The following BRCA1 variants were observed in gnomAD, a reference collection of about 807,000 sequenced individuals.
BRCA1 encodes breast cancer type 1 susceptibility protein.
A neutral mutation model predicts 173.7 loss-of-function variants in BRCA1; 140 were observed. That is an observed-to-expected ratio of 0.81 (90% CI 0.70 to 0.93). BRCA1 has a LOEUF of 0.93. Among genes scored for constraint, BRCA1 ranks in the 40% least tolerant of loss-of-function variants. BRCA1 has a pLI of 0.00. For synonymous variants in BRCA1, 662 were observed against 756.0 expected, an observed-to-expected ratio of 0.88 and a Z score of 2.04; for missense variants, 1,983 against 2,172.5, an observed-to-expected ratio of 0.91 and a Z score of 1.73.
chr17:43,101,105 G>C (rs1278234602), intron 6 of BRCA1, among the ~76,000 whole-genome samples: 1 of 151,498 alleles, frequency 6.6e-6, no homozygotes, highest in Non-Finnish European at 1.5e-5. Context: ...ATAGGAACGA[G>C]TATTTAAAAG....
chr17:43,060,119 G>A (rs974166505), intron 18 of BRCA1, among the ~76,000 whole-genome samples: 1 of 152,112 alleles, frequency 6.6e-6, no homozygotes, highest in African/African-American at 2.4e-5. Flanking sequence ...TGCCCAGGCT[G>A]GAGTGCAATG....
At chr17:43,113,096 C>CCCGG (rs1242804311) in intron 3 of BRCA1, among the ~76,000 whole-genome samples, 1 of 152,214 alleles carries the variant, frequency 6.6e-6, no homozygotes, top group Non-Finnish European at 1.5e-5. Context: ...AGCCACCGTG[C>CCCGG]CCGGCCTCAA....
intron 19 of BRCA1, among the ~76,000 whole-genome samples, chr17:43,051,477 C>A (rs1294355295): frequency 1.3e-5 from 2 of 152,076 alleles, no homozygotes; most frequent in African/African-American, 4.8e-5. Context: ...GAAAAAAGGT[C>A]CTTCTGTATG....
chr17:43,149,948 C>A (rs2056150569), intron 1 of BRCA1, among the ~76,000 whole-genome samples: 1 of 151,994 alleles, frequency 6.6e-6, no homozygotes, highest in Admixed American at 6.6e-5. Context: ...ACCACCGTGC[C>A]TAGCTAATTT....
intron 6 of BRCA1, among the ~76,000 whole-genome samples, chr17:43,100,633 T>TACAC (rs1491102232): frequency 5.7e-5 from 3 of 52,296 alleles, no homozygotes; most frequent in Non-Finnish European, 8.7e-5. Flanking sequence ...ATATATATGT[T>TACAC]ATATATATAT....
At chr17:43,096,393 AAGAG>A (rs2054138349) in intron 8 of BRCA1, among the ~76,000 whole-genome samples, 1 of 149,796 alleles carries the variant, frequency 6.7e-6, no homozygotes, top group Non-Finnish European at 1.5e-5. Flanking sequence ...AAAAAAAAAA[AAGAG>A]AGAAAGAAAG....
rs537778783 is a variant in BRCA1 at position 43,051,871 on chromosome 17, G to A, written c.5278-754C>T. 8.9e-4 allele frequency among the ~76,000 whole-genome samples: 136 copies of A among 152,202 alleles called. No individual in the cohort carries two copies. The Middle Eastern group carries it at 0.02, about 23-fold the overall frequency. ...AGGCTGGTCTCGAACTCCTGACCTC[G>A]TGATCTGCCTGTCTTGGCCTTCCAA... On this transcript the variant is annotated intron_variant, in intron 19 of 22. Transcript: ENST00000357654.
chr17:43,077,740 T>C (rs2154084558), intron 12 of BRCA1, among the ~76,000 whole-genome samples: 1 of 110,748 alleles, frequency 9.0e-6, no homozygotes, highest in East Asian at 2.5e-4. Context: ...TTTTTATTTA[T>C]TTATTTTTTT....
At chr17:43,127,849 C>T (rs1209214410), upstream of BRCA1, among the ~76,000 whole-genome samples, 1 of 148,184 alleles carries the variant, frequency 6.7e-6, no homozygotes, top group African/African-American at 2.6e-5. Flanking sequence ...ACAGTGAAAC[C>T]CCGACTCTAC....
At chr17:43,157,268 T>C (rs757198060) in intron 1 of BRCA1, among the ~76,000 whole-genome samples, 1 of 152,210 alleles carries the variant, frequency 6.6e-6, no homozygotes, top group Non-Finnish European at 1.5e-5. Flanking sequence ...CAAATAACAC[T>C]GTTTCCAGTC....
At position 43,082,508 on chromosome 17, in the gene BRCA1, A is replaced by G. The variant is rs397509157; in HGVS notation, c.4253T>C (p.Leu1418Ser). ...QQEMAELEAV[L>S]EQHGSQPSNS... Reference sequence around the variant, plus strand: ...AGAAGGCTGGCTCCCATGCTGTTCTAACACAGCTTCTAGTTCAGCCATTTC... The same window carrying G: ...AGAAGGCTGGCTCCCATGCTGTTCTGACACAGCTTCTAGTTCAGCCATTTC... Residue 1418 changes from leucine (L) to serine (S), a missense_variant, in exon 12 of 23, where the codon TTA becomes TCA. Transcript: ENST00000357654. 1 of 1,614,190 alleles carries G rather than the reference A, an allele frequency of 6.2e-7. No individual in the cohort carries two copies. Among genetic ancestry groups the G allele is most frequent in the Non-Finnish European group, 8.5e-7 (1 of 1,180,028 alleles).
intron 20 of BRCA1, among the ~76,000 whole-genome samples, chr17:43,050,642 G>A (rs1258806852): frequency 1.3e-5 from 2 of 150,678 alleles, no homozygotes; most frequent in South Asian, 2.1e-4. Context: ...AATGTTCACC[G>A]AGAATCTTCC....
At position 43,124,113 on chromosome 17, in the gene BRCA1, G is replaced by A. The variant is rs1597923857; in HGVS notation, c.-17C>T. 1 of 1,580,228 alleles carries A rather than the reference G, an allele frequency of 6.3e-7. No individual in the cohort carries two copies. Among genetic ancestry groups the A allele is most frequent in the Non-Finnish European group, 8.7e-7 (1 of 1,149,520 alleles). On this transcript the variant is annotated splice_region_variant and 5_prime_UTR_variant, in exon 2 of 23. Coordinates refer to ENST00000357654, the MANE Select transcript of BRCA1 (RefSeq NM_007294.4). The stretch of plus-strand genomic sequence containing the variant: ...TAAATCCATTTCTTTCTGTTCCAAT[G>A]AACTTTAACACATTAGAAAAACATA...
chr17:43,094,745 C>T lies in BRCA1; in HGVS notation c.786G>A (p.Gln262=), dbSNP rs397509317. 3 of 1,611,064 alleles carry T rather than the reference C, an allele frequency of 1.9e-6. No homozygotes were observed. Among genetic ancestry groups the T allele is most frequent in the Non-Finnish European group, 2.5e-6 (3 of 1,178,228 alleles). ...RAAERHPEKY[Q]GSSVSNLHVE... ...CATGCAAGTTTGAAACAGAACTACC[C>T]TGATACTTTTCTGGATGCCTCTCAG... Residue 262 remains glutamine, a synonymous_variant, in exon 10 of 23, where the codon CAG becomes CAA. Coordinates refer to ENST00000357654, the MANE Select transcript of BRCA1 (RefSeq NM_007294.4).
intron 1 of BRCA1, chr17:43,144,250 C>T: frequency 3.0e-6 from 1 of 332,314 alleles, no homozygotes; most frequent in Non-Finnish European, 6.1e-6. Flanking sequence ...GAATTTTCCT[C>T]CATCTTGTAA....
At chr17:43,131,466 C>T (rs146425235) in intron 1 of BRCA1, among the ~76,000 whole-genome samples, 191 of 152,226 alleles carry the variant, frequency 1.3e-3, no homozygotes, top group Non-Finnish European at 2.3e-3. Flanking sequence ...TCTTGCTCCC[C>T]AGAAGGGTGG....
intron 3 of BRCA1, 68 bp from the exon 4 acceptor site, chr17:43,106,601 C>T (rs1006091410): frequency 5.9e-6 from 7 of 1,189,428 alleles, no homozygotes; most frequent in Middle Eastern, 2.6e-4. Context: ...ACTCAAAAGG[C>T]AAATAGCCAT....
At chr17:43,079,550 C>A in intron 12 of BRCA1, 1 of 949,136 alleles carries the variant, frequency 1.1e-6, no homozygotes, top group Non-Finnish European at 1.7e-6. Context: ...GGGCAAGATT[C>A]TTGCCAAGAG....
Position 43,093,314 on chromosome 17 carries a change from T to C in BRCA1, c.2217A>G (p.Lys739=), listed in dbSNP as rs200521980. 17 of 1,613,804 alleles carry C rather than the reference T, an allele frequency of 1.1e-5. No individual in the cohort carries two copies. The South Asian group carries it at 1.9e-4, about 18-fold the overall frequency. Residue 739 remains lysine, a synonymous_variant, in exon 10 of 23, where the codon AAA becomes AAG. Coordinates refer to ENST00000357654, the MANE Select transcript of BRCA1 (RefSeq NM_007294.4). ...EEKEEKLETV[K]VSNNAEDPKD... is the part of the protein sequence containing the mutation. ...TGGGGTCTTCAGCATTATTAGACACTTTAACTGTTTCTAGTTTCTCTTCTT... is the reference window on the plus strand; with the variant it reads ...TGGGGTCTTCAGCATTATTAGACACCTTAACTGTTTCTAGTTTCTCTTCTT...
Sources: allele counts gnomAD v4.1 joint callset (sites outside exome capture counted in the v4.1 genomes callset), GRCh38; gene constraint gnomAD v4.1.1; transcripts MANE v1.5; gene names NCBI Gene and HGNC (gene_info 2026-07-23, HGNC 2026-07-21).